DNAH14: variants seen among roughly 807,000 people sequenced by gnomAD.
The protein encoded by DNAH14 is axonemal beta dynein heavy chain 14.
In DNAH14, 478 loss-of-function variants were observed where a neutral mutation model predicts 520.9. That is an observed-to-expected ratio of 0.92 (90% CI 0.85 to 0.99). DNAH14 has a LOEUF of 0.99. DNAH14 is among the 50% of genes least tolerant of loss of function. The probability of loss-of-function intolerance (pLI) is 0.00; values close to 1 mark genes in which losing one functional copy is unlikely to be tolerated. For missense variants in DNAH14, 4,831 were observed against 5,234.5 expected (o/e 0.92, Z 2.38); for synonymous variants, 1,581 against 1,757.2 (o/e 0.90, Z 2.51).
intron 2 of DNAH14, chr1:224,954,549 G>A (rs955059779): frequency 2.0e-5 from 3 of 153,100 alleles, no homozygotes; most frequent in Non-Finnish European, 4.4e-5. Context: ...TCAGAAAATT[G>A]TGTTCTGACT....
At chr1:225,240,312 C>A (rs1360412463) in intron 42 of DNAH14, among the ~76,000 whole-genome samples, 1 of 149,274 alleles carries the variant, frequency 6.7e-6, no homozygotes, top group Non-Finnish European at 1.5e-5. Flanking sequence ...TAAATAAAAG[C>A]ATATATATGT....
In DNAH14 at chr1:225,206,168, A is replaced by G. The variant is rs1362090775; in HGVS notation, c.6175A>G (p.Met2059Val). Residue 2059 changes from methionine to valine, a missense_variant, in exon 40 of 86, where the codon ATG (methionine) becomes GTG (valine). Transcript: ENST00000682510. ...TCCTGCTACTGTCAGCCGATGTGCC[A>G]TGGTCTATATGGTAAGCTTTCAAAA... ...ASPATVSRCA[M>V]VYMDPVDLGW... 4 of 1,546,084 alleles carry G rather than the reference A, an allele frequency of 2.6e-6. No homozygotes were observed. In the South Asian group the frequency reaches 3.6e-5, roughly 14 times the overall value.
chr1:225,023,973 CTTGT>C, intron 11 of DNAH14, 108 bp downstream of exon 11: 1 of 1,438,506 alleles, frequency 7.0e-7, no homozygotes, highest in Non-Finnish European at 9.1e-7. Flanking sequence ...GAAAATTCTC[CTTGT>C]GGCAGAGTAC....
At chr1:225,169,142 C>G (rs1332285659) in intron 36 of DNAH14, among the ~76,000 whole-genome samples, 1 of 152,178 alleles carries the variant, frequency 6.6e-6, no homozygotes, top group Non-Finnish European at 1.5e-5. Context: ...AAAACTCCAT[C>G]TGTACATCAC....
intron 35 of DNAH14, among the ~76,000 whole-genome samples, chr1:225,162,353 A>G (rs535580419): frequency 1.3e-5 from 2 of 152,070 alleles, no homozygotes; most frequent in South Asian, 4.1e-4. Context: ...CTGTATGGAT[A>G]TTGGTCTGTG....
chr1:225,311,036 A>G (rs1235414255), intron 60 of DNAH14, among the ~76,000 whole-genome samples: 1 of 152,136 alleles, frequency 6.6e-6, no homozygotes, highest in Non-Finnish European at 1.5e-5. Context: ...GTCTTCCACA[A>G]TGGTTGAACT....
chr1:225,202,513 C>T (rs1174024576), intron 38 of DNAH14, among the ~76,000 whole-genome samples: 1 of 152,126 alleles, frequency 6.6e-6, no homozygotes, highest in African/African-American at 2.4e-5. Flanking sequence ...TCCCACACAA[C>T]CCAAAGGGCT....
At chr1:225,267,640 T>C (rs1396744446) in intron 49 of DNAH14, among the ~76,000 whole-genome samples, 1 of 152,144 alleles carries the variant, frequency 6.6e-6, no homozygotes, top group East Asian at 1.9e-4. Context: ...CACTTTTCTC[T>C]CTGTTCAGGT....
intron 60 of DNAH14, among the ~76,000 whole-genome samples, chr1:225,313,729 G>T (rs575795301): frequency 4.7e-4 from 72 of 152,278 alleles, no homozygotes; most frequent in African/African-American, 1.4e-3. Context: ...AGGTTGTTCA[G>T]TTTCCATGTA....
intron 2 of DNAH14, among the ~76,000 whole-genome samples, chr1:224,954,308 T>A (rs2060367591): frequency 6.6e-6 from 1 of 152,152 alleles, no homozygotes; most frequent in Non-Finnish European, 1.5e-5. Context: ...TTCTTAATGA[T>A]ATAAGTATTT....
intron 41 of DNAH14, among the ~76,000 whole-genome samples, chr1:225,219,706 A>C (rs2089841528): frequency 6.6e-6 from 1 of 152,156 alleles, no homozygotes; most frequent in Non-Finnish European, 1.5e-5. Flanking sequence ...CAGACAGATT[A>C]ACATCTGAAT....
rs1446322649 is a variant in DNAH14, at chr1:225,333,285, A to T, written c.9865-6A>T. The T allele has an allele frequency of 1.6e-5, 24 of 1,547,430 alleles. No homozygotes were observed. Among genetic ancestry groups the T allele is most frequent in the Non-Finnish European group, 2.1e-5 (24 of 1,143,842 alleles). ...TAGAATAACTCATTTCTATTTTAAC[A>T]TTTAGACTCGATGGCAAGAAACAAT... On this transcript the variant is annotated splice_region_variant and splice_polypyrimidine_tract_variant and intron_variant, in intron 65 of 85. Coordinates refer to ENST00000682510, the MANE Select transcript of DNAH14 (RefSeq NM_001367479.1).
chr1:225,236,891 T>C (rs1053329385), intron 42 of DNAH14, among the ~76,000 whole-genome samples: 1 of 152,182 alleles, frequency 6.6e-6, no homozygotes, highest in Admixed American at 6.5e-5. Flanking sequence ...TTCTTCACTT[T>C]CCTTTTGTGA....
intron 77 of DNAH14, among the ~76,000 whole-genome samples, chr1:225,371,112 A>G (rs2095613538): frequency 6.6e-6 from 1 of 152,166 alleles, no homozygotes. Context: ...CAATCTCCCT[A>G]GTGTATTTTA....
intron 34 of DNAH14, among the ~76,000 whole-genome samples, chr1:225,157,530 G>GTGT (rs1208092437): frequency 6.6e-6 from 1 of 151,998 alleles, no homozygotes; most frequent in African/African-American, 2.4e-5. Context: ...TTTTAATGAA[G>GTGT]TGTTACCTTT....
At chr1:225,206,257 T>G in intron 40 of DNAH14, 78 bp downstream of exon 40, 1 of 1,257,992 alleles carries the variant, frequency 7.9e-7, no homozygotes. Flanking sequence ...TTACAGCATT[T>G]TATGTTTATT....
chr1:224,955,668 AC>A, intron 3 of DNAH14, among the ~76,000 whole-genome samples: 1 of 152,160 alleles, frequency 6.6e-6, no homozygotes, highest in Non-Finnish European at 1.5e-5. Context: ...TGTGGGGAAA[AC>A]TGTACCTCCT....
At chr1:225,005,240 A>T (rs941630507) in intron 9 of DNAH14, among the ~76,000 whole-genome samples, 3 of 152,184 alleles carry the variant, frequency 2.0e-5, no homozygotes, top group Non-Finnish European at 4.4e-5. Flanking sequence ...TGCTTAATAA[A>T]AATGTAAATA....
intron 64 of DNAH14, among the ~76,000 whole-genome samples, chr1:225,327,180 C>T (rs1157819042): frequency 2.0e-5 from 3 of 148,754 alleles, no homozygotes; most frequent in African/African-American, 7.5e-5. Flanking sequence ...TTTTTTGAGA[C>T]GGAGTCTTGC....
Sources: gnomAD v4.1 joint callset for allele counts (sites outside exome capture counted in the v4.1 genomes callset) on GRCh38, gnomAD v4.1.1 for gene constraint, MANE v1.5 for transcripts, NCBI Gene and HGNC (gene_info 2026-07-23, HGNC 2026-07-21) for gene names.